INSRR: variants seen among roughly 807,000 people sequenced by gnomAD.
INSRR encodes the protein insulin receptor-related protein.
Under a neutral mutation model 130.0 loss-of-function variants are expected in INSRR, and 114 were observed. The ratio of observed to expected loss-of-function variants is 0.88; its 90% CI spans 0.75 to 1.02. INSRR has a LOEUF of 1.02. Among genes scored for constraint, INSRR ranks in the 50% least tolerant of loss-of-function variants. INSRR has a pLI of 0.00. For missense variants in INSRR, 1,657 were observed against 1,735.2 expected (o/e 0.95, Z 0.80); for synonymous variants, 674 against 705.2 (o/e 0.96, Z 0.70).
At position 156,858,548 on chromosome 1, in the gene INSRR, T is replaced by A. The variant is rs1279791585; in HGVS notation, c.74A>T (p.Asp25Val). Reference protein sequence around the residue: ...VIFLSLGFGLDTVEVCPSLDI... With the variant: ...VIFLSLGFGLVTVEVCPSLDI... ...TTCTGGGGACTCACCCTCTACTGTA[T>A]CCAGGCCAAATCCCAAGGAGAGGAA... Residue 25 changes from aspartate (D) to valine (V), a missense_variant, in exon 1 of 22, where the codon GAT (aspartate) becomes GTT (valine). By Grantham distance (152) the Asp-to-Val change is radical. Transcript: ENST00000368195. 1 of 1,613,658 alleles carries A rather than the reference T, an allele frequency of 6.2e-7. No homozygotes were observed.
chr1:156,853,700 T>C lies in INSRR; in HGVS notation c.637+52A>G, dbSNP rs1655308810. On this transcript the variant is annotated intron_variant, in intron 2 of 21. Coordinates refer to ENST00000368195, the MANE Select transcript of INSRR (RefSeq NM_014215.3). ...ACCATCCTGTGGCCACCCAGCCCCA[T>C]GTGACCCTGCTCTCTCCCTTCCCTA... 9.1e-6 allele frequency: 14 copies of C among 1,534,830 alleles called. 1 individual carries two copies. Among genetic ancestry groups the C allele is most frequent in the Non-Finnish European group, 1.2e-5 (14 of 1,130,090 alleles).
chr1:156,842,973 G>C (rs755069144), intron 17 of INSRR, 31 bp downstream of exon 17: 2 of 1,530,632 alleles, frequency 1.3e-6, no homozygotes, highest in Non-Finnish European at 1.8e-6. Context: ...CACTAATTAT[G>C]ACCCTGACAA....
Position 156,851,921 on chromosome 1 carries a change from T to A in INSRR, c.908A>T (p.Gln303Leu), listed in dbSNP as rs760703268. The change falls in exon 3 of 22, where the codon CAG becomes CTG. Residue 303 changes from glutamine to leucine, a missense_variant. Coordinates refer to ENST00000368195, the MANE Select transcript of INSRR (RefSeq NM_014215.3). ...FGIHQGSCLA[Q>L]CPSGFTRNSS... ...ATTACGGGTGAAGCCAGAAGGGCACTGGGCCAGGCAACTGCCCTGGTGTAT... is the reference window on the plus strand; with the variant it reads ...ATTACGGGTGAAGCCAGAAGGGCACAGGGCCAGGCAACTGCCCTGGTGTAT... The A allele has an allele frequency of 5.0e-5, 80 of 1,596,208 alleles. No individual in the cohort carries two copies. Among genetic ancestry groups the A allele is most frequent in the Non-Finnish European group, 6.7e-5 (78 of 1,167,364 alleles).
Position 156,852,132 on chromosome 1 carries a change from A to T in INSRR, c.697T>A (p.Cys233Ser). ...TARGECCHTECLGGCSQPEDP... is the reference protein window; with the variant it reads ...TARGECCHTESLGGCSQPEDP... ...TCTGGCTGGCTGCAGCCCCCCAGGC[A>T]TTCGGTGTGGCAGCACTCGCCCCTC... is the stretch of plus-strand genomic sequence containing the variant. Residue 233 changes from cysteine to serine, a missense_variant, in exon 3 of 22, where the codon TGC (cysteine) becomes AGC (serine). Cys to Ser is a moderately radical substitution (Grantham distance 112, BLOSUM62 -1). Coordinates refer to ENST00000368195, the MANE Select transcript of INSRR (RefSeq NM_014215.3). 6.2e-7 allele frequency: 1 copy of T among 1,613,210 alleles called. No homozygotes were observed. Among genetic ancestry groups the T allele is most frequent in the Non-Finnish European group, 8.5e-7 (1 of 1,179,714 alleles).
chr1:156,842,674 C>G (rs1310838319), intron 17 of INSRR, among the ~76,000 whole-genome samples, 166 bp from the exon 18 acceptor site: 1 of 152,184 alleles, frequency 6.6e-6, no homozygotes. Context: ...GACCCTAACC[C>G]ATGACCTTCA....
Position 156,852,017 on chromosome 1 carries a change from G to A in INSRR, c.812C>T (p.Ser271Phe), listed in dbSNP as rs1399145308. The change falls in exon 3 of 22, where the codon TCC (serine) becomes TTC (phenylalanine). Residue 271 changes from serine to phenylalanine, a missense_variant. By Grantham distance (155) the Ser-to-Phe change is radical (BLOSUM62 -2). Transcript: ENST00000368195. ...ACPPGTYQYE[S>F]WRCVTAERCA... ...GCGCTCAGCTGTGACACAGCGCCAG[G>A]ACTCATACTGGTAGGTGCCTGGCGG... 3.1e-6 allele frequency: 5 copies of A among 1,613,586 alleles called. No individual in the cohort carries two copies. The highest frequency in any genetic ancestry group is 1.3e-5 in the African/African-American group (1 of 75,076).
At position 156,851,399 on chromosome 1, in the gene INSRR, G is replaced by C; in HGVS notation, c.1120C>G (p.Leu374Val). The change falls in exon 5 of 22, where the codon CTG becomes GTG. Residue 374 changes from leucine to valine, a missense_variant. Coordinates refer to ENST00000368195, the MANE Select transcript of INSRR (RefSeq NM_014215.3). ...LEPQLQHSLGLVETITGFLKI... is the reference protein window; with the variant it reads ...LEPQLQHSLGVVETITGFLKI... Reference sequence around the variant, plus strand: ...AGGAAGCCAGTAATGGTTTCTACCAGCCCCAGGCTGTGCTGCAGCTGTGGC... The same window carrying C: ...AGGAAGCCAGTAATGGTTTCTACCACCCCCAGGCTGTGCTGCAGCTGTGGC... 6.2e-7 allele frequency: 1 copy of C among 1,614,182 alleles called. No individual in the cohort carries two copies. Among genetic ancestry groups the C allele is most frequent in the South Asian group, 1.1e-5 (1 of 91,080 alleles).
In INSRR at chr1:156,840,959, C is replaced by T; in HGVS notation, c.3808G>A (p.Gly1270Ser). 6.2e-7 allele frequency: 1 copy of T among 1,613,880 alleles called. No homozygotes were observed. The highest frequency in any genetic ancestry group is 8.5e-7 in the Non-Finnish European group (1 of 1,179,956). ...TCTGCATCGGTGGTAGGCAGGGAGC[C>T]CCGGGCCCCCCGGCATTCCGGGCTG... is the stretch of plus-strand genomic sequence containing the variant. ...YYSPECRGARGSLPTTDAEPD... is the reference protein window; with the variant it reads ...YYSPECRGARSSLPTTDAEPD... The change falls in exon 22 of 22, where the codon GGC (glycine) becomes AGC (serine). Residue 1270 changes from glycine to serine, a missense_variant. Gly to Ser is a moderately conservative substitution (Grantham distance 56, BLOSUM62 0). Coordinates refer to ENST00000368195, the MANE Select transcript of INSRR (RefSeq NM_014215.3).
chr1:156,844,386 G>A (rs1471087794), intron 14 of INSRR, 76 bp downstream of exon 14: 12 of 1,570,978 alleles, frequency 7.6e-6, no homozygotes, highest in Non-Finnish European at 9.6e-6. Flanking sequence ...AGGGATGCGG[G>A]GGAGGGGCCT....
rs1321983067 is a variant in INSRR at position 156,844,842 on chromosome 1, TC to T, written c.2438del (p.Arg813LysfsTer144). On this transcript the variant is annotated frameshift_variant and splice_region_variant, in exon 13 of 22. Transcript: ENST00000368195. LOFTEE classifies it high-confidence loss of function. ...CCTTTCCTGGAATACCATCAGCCTC[TC>T]CTGCGGGAAGGGGCATCCAGCAGCC... is the stretch of plus-strand genomic sequence containing the variant. ...TFVFARTMPH[R>X]EADGIPGKVA... 1.1e-5 allele frequency: 18 copies of T among 1,613,948 alleles called. No homozygotes were observed. The highest frequency in any genetic ancestry group is 1.5e-5 in the Non-Finnish European group (18 of 1,179,968).
rs760132338 is a variant in INSRR, at chr1:156,858,664, G to T, written c.-43C>A. 1 of 1,548,236 alleles carries T rather than the reference G, an allele frequency of 6.5e-7. No homozygotes were observed. Among genetic ancestry groups the T allele is most frequent in the South Asian group, 1.1e-5 (1 of 89,764 alleles). On this transcript the variant is annotated 5_prime_UTR_variant, in exon 1 of 22. Transcript: ENST00000368195. ...GTGTCCAGTCCCGGCTCTCCTCCCGGTGACTCTGGGGAGAACGGTGTGATA... is the reference window on the plus strand; with the variant it reads ...GTGTCCAGTCCCGGCTCTCCTCCCGTTGACTCTGGGGAGAACGGTGTGATA...
intron 5 of INSRR, 123 bp from the exon 6 acceptor site, chr1:156,849,583 T>G: frequency 1.4e-6 from 1 of 694,946 alleles, no homozygotes. Flanking sequence ...ACTCAGTGGC[T>G]GGCTCACACC....
In INSRR at chr1:156,840,451, G is replaced by C; in HGVS notation, c.*422C>G. On this transcript the variant is annotated 3_prime_UTR_variant, in exon 22 of 22. Coordinates refer to ENST00000368195, the MANE Select transcript of INSRR (RefSeq NM_014215.3). ...GGAGCCCCACCCCCCTCCCATACAT[G>C]CATGGAGAGCGCCCCAGGCCTGCTT... The C allele has an allele frequency of 7.3e-6, 1 of 137,626 alleles. No homozygotes were observed. The highest frequency in any genetic ancestry group is 2.1e-4 in the East Asian group (1 of 4,770). 8.5% of individuals were successfully genotyped at this position (137,626 alleles called of 1,614,324 possible).
In INSRR at chr1:156,845,763, C is replaced by G; in HGVS notation, c.2030G>C (p.Gly677Ala). ...NNDPRFDGEDGDPEAEMESDC... is the reference protein window; with the variant it reads ...NNDPRFDGEDADPEAEMESDC... ...GGACTCCATCTCGGCCTCAGGATCC[C>G]CGTCTTCGCCGTCGAAGCGCGGATC... is the stretch of plus-strand genomic sequence containing the variant. Residue 677 changes from glycine to alanine, a missense_variant, in exon 10 of 22, where the codon GGG becomes GCG. Physicochemically the swap from Gly to Ala is moderately conservative, Grantham distance 60 (BLOSUM62 0). Transcript: ENST00000368195. 6.2e-7 allele frequency: 1 copy of G among 1,613,412 alleles called. No homozygotes were observed. Among genetic ancestry groups the G allele is most frequent in the Non-Finnish European group, 8.5e-7 (1 of 1,179,954 alleles).
chr1:156,843,674 A>G (rs752585532), intron 15 of INSRR, among the ~76,000 whole-genome samples, 195 bp from the exon 16 acceptor site: 2 of 152,196 alleles, frequency 1.3e-5, no homozygotes, highest in Non-Finnish European at 2.9e-5. Context: ...TCTAACAGGG[A>G]ATAGGGAGGA....
chr1:156,858,316 C>T (rs959242866), intron 1 of INSRR, among the ~76,000 whole-genome samples: 5 of 152,170 alleles, frequency 3.3e-5, no homozygotes, highest in Admixed American at 1.3e-4. Context: ...TACTTGTCCA[C>T]GTTTTGAAGC....
chr1:156,851,371 T>C lies in INSRR; in HGVS notation c.1148A>G (p.Lys383Arg), dbSNP rs201045649. 3.7e-5 allele frequency: 60 copies of C among 1,614,156 alleles called. No individual in the cohort carries two copies. In the East Asian group the frequency reaches 1.2e-3, roughly 32 times the overall value. ...CACGAGGGCAAAGGAGTGCTTGATTTTGAGGAAGCCAGTAATGGTTTCTAC... is the reference window on the plus strand; with the variant it reads ...CACGAGGGCAAAGGAGTGCTTGATTCTGAGGAAGCCAGTAATGGTTTCTAC... ...GLVETITGFLKIKHSFALVSL... is the reference protein window; with the variant it reads ...GLVETITGFLRIKHSFALVSL... Residue 383 changes from lysine to arginine, a missense_variant, in exon 5 of 22, where the codon AAA (lysine) becomes AGA (arginine). Physicochemically the swap from Lys to Arg is conservative, Grantham distance 26. Transcript: ENST00000368195.
intron 10 of INSRR, 74 bp downstream of exon 10, chr1:156,845,545 C>CCCCCCCCCCCCCAGA: frequency 7.5e-7 from 1 of 1,331,406 alleles, no homozygotes. Context: ...CCACAAACCC[C>CCCCCCCCCCCCCAGA]ACCCCTCCCG....
chr1:156,841,313 G>C, intron 21 of INSRR, 81 bp downstream of exon 21: 6 of 1,367,400 alleles, frequency 4.4e-6, no homozygotes, highest in African/African-American at 1.4e-5. Flanking sequence ...CATCAGAGGA[G>C]GTGAGCCAGA....
Sources: allele counts gnomAD v4.1 joint callset (sites outside exome capture counted in the v4.1 genomes callset), GRCh38; gene constraint gnomAD v4.1.1; transcripts MANE v1.5; gene names NCBI Gene and HGNC (gene_info 2026-07-23, HGNC 2026-07-21).